HMGXB4: variants seen among roughly 807,000 people sequenced by gnomAD.
HMGXB4 encodes the protein HMG domain-containing protein 4.
HMGXB4 carries 27 observed loss-of-function variants against 63.9 expected under a neutral mutation model. That is an observed-to-expected ratio of 0.42 (90% confidence interval 0.31 to 0.58). The LOEUF (loss-of-function observed/expected upper bound fraction) is 0.58, where lower values mean the gene tolerates loss of function less well. Ranked by LOEUF, HMGXB4 falls within the 20% of genes least tolerant of loss-of-function variation. The probability of loss-of-function intolerance (pLI) is 0.13; values close to 1 mark genes in which losing one functional copy is unlikely to be tolerated. For synonymous variants in HMGXB4, 264 were observed against 265.3 expected (o/e 0.99, Z 0.05); for missense variants, 624 against 700.7 (o/e 0.89, Z 1.24).
At chr22:35,279,111 T>C in intron 5 of HMGXB4, among the ~76,000 whole-genome samples, 1 of 150,980 alleles carries the variant, frequency 6.6e-6, no homozygotes, top group African/African-American at 2.4e-5. Context: ...TGTAAATATT[T>C]TCTCACAGTC....
chr22:35,266,606 CT>C (rs1434268957), intron 5 of HMGXB4, among the ~76,000 whole-genome samples: 2 of 152,138 alleles, frequency 1.3e-5, no homozygotes, highest in Non-Finnish European at 2.9e-5. Flanking sequence ...TTAAAAGTTT[CT>C]TTTTTTATTT....
At chr22:35,264,199 A>G in intron 4 of HMGXB4, 1 of 627,198 alleles carries the variant, frequency 1.6e-6, no homozygotes, top group Non-Finnish European at 2.7e-6. Context: ...CCTGTGGGTC[A>G]CTTCTCAACC....
chr22:35,287,488 G>A (rs1924666698), intron 8 of HMGXB4, 36 bp downstream of exon 8: 2 of 1,492,162 alleles, frequency 1.3e-6, no homozygotes, highest in Non-Finnish European at 9.3e-7. Flanking sequence ...TTTCTCTAAA[G>A]CATGTGAATT....
upstream of HMGXB4, among the ~76,000 whole-genome samples, chr22:35,254,654 C>T (rs1355079796): frequency 6.6e-6 from 1 of 152,230 alleles, no homozygotes; most frequent in East Asian, 1.9e-4. Flanking sequence ...GGAATGTAAG[C>T]TCCTGGGGGC....
intron 4 of HMGXB4, chr22:35,264,185 T>C: frequency 4.0e-6 from 3 of 745,262 alleles, no homozygotes; most frequent in Non-Finnish European, 6.4e-6. Flanking sequence ...TCCTCTGGCC[T>C]GCACCTGTGG....
chr22:35,280,015 A>G (rs934800028), intron 5 of HMGXB4, among the ~76,000 whole-genome samples: 3 of 152,174 alleles, frequency 2.0e-5, no homozygotes, highest in Admixed American at 2.0e-4. Context: ...GATGTCTTCA[A>G]AATAGCTTGC....
At chr22:35,258,133 G>A (rs369670835) in intron 1 of HMGXB4, 1 of 152,238 alleles carries the variant, frequency 6.6e-6, no homozygotes, top group African/African-American at 2.4e-5. Context: ...AATCCCACTG[G>A]TTTGCCTTGG....
the HMGXB4 span, among the ~76,000 whole-genome samples, chr22:35,251,580 T>C: frequency 6.6e-6 from 1 of 152,226 alleles, no homozygotes. Context: ...AAAAGGATTG[T>C]TGCAATGCAA....
chr22:35,244,973 G>A, the HMGXB4 span, among the ~76,000 whole-genome samples: 1 of 152,020 alleles, frequency 6.6e-6, no homozygotes, highest in Non-Finnish European at 1.5e-5. Flanking sequence ...TTTCAAACAA[G>A]GCGATTCTCC....
At chr22:35,259,756 G>T (rs1320739369) in intron 1 of HMGXB4, among the ~76,000 whole-genome samples, 1 of 152,214 alleles carries the variant, frequency 6.6e-6, no homozygotes. Flanking sequence ...GGCTGCCCCA[G>T]TTCTTCAGTG....
In HMGXB4 at chr22:35,265,030, C is replaced by T. The variant is rs761485667; in HGVS notation, c.642C>T (p.Pro214=). 2.5e-6 allele frequency: 4 copies of T among 1,613,842 alleles called. No homozygotes were observed. The highest frequency in any genetic ancestry group is 1.7e-6 in the Non-Finnish European group (2 of 1,179,800). ...SSVDEESFQY[P]SQQATVKKSS... is the part of the protein sequence containing the mutation. ...TTGATGAGGAGTCTTTTCAATATCC[C>T]TCCCAACAAGCGACTGTGAAAAAAT... The change falls in exon 5 of 11, where the codon CCC becomes CCT. Residue 214 remains proline (P), a synonymous_variant. Transcript: ENST00000216106.
At chr22:35,262,766 T>C (rs1172803770) in intron 2 of HMGXB4, 3 of 515,192 alleles carry the variant, frequency 5.8e-6, no homozygotes, top group South Asian at 2.4e-5. Flanking sequence ...TGAATCCTTA[T>C]TCTTTTCAGC....
the HMGXB4 span, among the ~76,000 whole-genome samples, chr22:35,251,729 A>G: frequency 0.53 from 79,995 of 152,062 alleles, 24,548 homozygotes; most frequent in Non-Finnish European, 0.68. Context: ...TATAATTGAT[A>G]CGCAAGGAAG....
chr22:35,281,819 T>G (rs1042769515), intron 5 of HMGXB4, among the ~76,000 whole-genome samples: 1 of 152,228 alleles, frequency 6.6e-6, no homozygotes. Flanking sequence ...TACCACAAAT[T>G]TTATCTCCAA....
chr22:35,262,294 C>A (rs1922910666), intron 1 of HMGXB4, 29 bp from the exon 2 acceptor site: 4 of 1,260,132 alleles, frequency 3.2e-6, no homozygotes, highest in African/African-American at 1.5e-5. Context: ...TTTCGCATTA[C>A]AGGAGGGTTT....
intron 6 of HMGXB4, among the ~76,000 whole-genome samples, chr22:35,285,198 G>A (rs1601641439): frequency 6.6e-6 from 1 of 152,150 alleles, no homozygotes; most frequent in South Asian, 2.1e-4. Flanking sequence ...TGGAGCCCAG[G>A]AGTTTGAGAG....
At chr22:35,244,774 T>C in the HMGXB4 span, among the ~76,000 whole-genome samples, 1 of 152,222 alleles carries the variant, frequency 6.6e-6, no homozygotes. Flanking sequence ...CAATGGAAAC[T>C]GAACACAGCA....
Position 35,264,706 on chromosome 22 carries a change from T to G in HMGXB4, c.318T>G (p.Thr106=). 1 of 1,609,354 alleles carries G rather than the reference T, an allele frequency of 6.2e-7. No individual in the cohort carries two copies. Among genetic ancestry groups the G allele is most frequent in the Non-Finnish European group, 8.5e-7 (1 of 1,178,524 alleles). ...KKKKKSSPQS[T]DTAMDLLKAI... is the part of the protein sequence containing the mutation. ...AGAAAAAGTCCAGCCCACAGTCTACTGATACAGCTATGGACCTGTTGAAAG... is the reference window on the plus strand; with the variant it reads ...AGAAAAAGTCCAGCCCACAGTCTACGGATACAGCTATGGACCTGTTGAAAG... Residue 106 remains threonine (T), a synonymous_variant, in exon 5 of 11, where the codon ACT becomes ACG. Coordinates refer to ENST00000216106, the MANE Select transcript of HMGXB4 (RefSeq NM_001003681.3).
chr22:35,264,006 C>T (rs760565322), intron 4 of HMGXB4, 132 bp downstream of exon 4: 9 of 1,557,668 alleles, frequency 5.8e-6, no homozygotes, highest in African/African-American at 4.1e-5. Flanking sequence ...TTCTGAGTGC[C>T]GATAAACCAG....
Sources: allele counts gnomAD v4.1 joint callset (sites outside exome capture counted in the v4.1 genomes callset), GRCh38; gene constraint gnomAD v4.1.1; transcripts MANE v1.5; gene names NCBI Gene and HGNC (gene_info 2026-07-23, HGNC 2026-07-21).